The following RBFOX1 variants were observed in gnomAD, a reference collection of about 807,000 sequenced individuals.
RBFOX1 encodes the protein RNA binding fox-1 homolog 1.
A neutral mutation model predicts 57.7 loss-of-function variants in RBFOX1; 8 were observed. The ratio of observed to expected loss-of-function variants is 0.14; its 90% CI spans 0.08 to 0.25. The LOEUF (loss-of-function observed/expected upper bound fraction) is 0.25. Among genes scored for constraint, RBFOX1 ranks in the 10% least tolerant of loss-of-function variants. The pLI, the probability that RBFOX1 is intolerant of heterozygous loss-of-function variation, is 1.00. For missense variants in RBFOX1, 611 were observed against 548.5 expected, an observed-to-expected ratio of 1.11 and a Z score of -1.14; for synonymous variants, 326 against 222.4, an observed-to-expected ratio of 1.47 and a Z score of -4.15.
intron 3 of RBFOX1, among the ~76,000 whole-genome samples, chr16:5,866,928 G>C (rs2057356252): frequency 6.6e-6 from 1 of 152,042 alleles, no homozygotes; most frequent in African/African-American, 2.4e-5. Context: ...GAAACTTTAA[G>C]GGAAGGAAAA....
chr16:7,378,181 G>T (rs2097719379), intron 4 of RBFOX1, among the ~76,000 whole-genome samples: 1 of 152,186 alleles, frequency 6.6e-6, no homozygotes, highest in East Asian at 1.9e-4. Context: ...TATCGTTGCT[G>T]AGCCGGAAGT....
chr16:6,119,724 G>T (rs536324837), intron 1 of RBFOX1, among the ~76,000 whole-genome samples: 10 of 152,248 alleles, frequency 6.6e-5, no homozygotes, highest in African/African-American at 2.2e-4. Context: ...GCTGGTTTCA[G>T]ACTCGTGACC....
chr16:6,697,195 T>C (rs2061179864), intron 3 of RBFOX1, among the ~76,000 whole-genome samples: 2 of 152,236 alleles, frequency 1.3e-5, no homozygotes, highest in Admixed American at 1.3e-4. Flanking sequence ...TATATTATAA[T>C]ATGTATATAT....
chr16:6,637,687 G>C (rs1385991611), intron 2 of RBFOX1, among the ~76,000 whole-genome samples: 2 of 150,320 alleles, frequency 1.3e-5, no homozygotes, highest in African/African-American at 4.9e-5. Context: ...ATGATGAAGT[G>C]GCAGCAGAAA....
chr16:6,570,656 G>T (rs2097332650), intron 2 of RBFOX1, among the ~76,000 whole-genome samples: 1 of 152,018 alleles, frequency 6.6e-6, no homozygotes. Context: ...ATTTAGGCTT[G>T]GCTAAAAATT....
intron 2 of RBFOX1, among the ~76,000 whole-genome samples, chr16:6,640,883 A>G (rs1010652837): frequency 2.6e-5 from 4 of 152,154 alleles, no homozygotes; most frequent in African/African-American, 9.7e-5. Flanking sequence ...AACAAGCAAC[A>G]TGAACATCAG....
intron 1 of RBFOX1, among the ~76,000 whole-genome samples, chr16:6,100,697 G>C (rs2096295722): frequency 6.6e-6 from 1 of 152,094 alleles, no homozygotes; most frequent in Non-Finnish European, 1.5e-5. Context: ...TTAATATAGA[G>C]ACTATTATTG....
At position 5,945,560 on chromosome 16, in the gene RBFOX1, G is replaced by T. The variant is rs2059384706; in HGVS notation, c.351+78225G>T. On this transcript the variant is annotated intron_variant, in intron 4 of 19. Coordinates refer to the RBFOX1 transcript ENST00000641259. ...TGCCCTCTGAAACGGATATTGTTAT[G>T]ATGTCATCTTTACAGAAGAGAAACT... is the stretch of plus-strand genomic sequence containing the variant. Among the ~76,000 whole-genome samples, 3 of 152,204 alleles carry T rather than the reference G, an allele frequency of 2.0e-5. No homozygotes were observed. In the South Asian group the frequency reaches 6.2e-4, roughly 31 times the overall value.
intron 3 of RBFOX1, among the ~76,000 whole-genome samples, chr16:6,926,132 C>T (rs1331329223): frequency 6.6e-6 from 1 of 151,830 alleles, no homozygotes; most frequent in African/African-American, 2.4e-5. Flanking sequence ...ATGATGAAAC[C>T]CTGTCTCTAC....
At chr16:6,846,467 C>G (rs1176767850) in intron 3 of RBFOX1, among the ~76,000 whole-genome samples, 2 of 152,112 alleles carry the variant, frequency 1.3e-5, no homozygotes, top group African/African-American at 4.8e-5. Flanking sequence ...ACACCTGGGT[C>G]ATAATGAGGG....
intron 4 of RBFOX1, among the ~76,000 whole-genome samples, chr16:5,921,110 C>G (rs563681397): frequency 6.1e-4 from 93 of 152,290 alleles, no homozygotes; most frequent in Non-Finnish European, 6.3e-4. Context: ...TATTACTGAT[C>G]TCCTGTTAGG....
At chr16:7,639,697 T>C (rs1208944133) in intron 11 of RBFOX1, among the ~76,000 whole-genome samples, 1 of 152,154 alleles carries the variant, frequency 6.6e-6, no homozygotes, top group Non-Finnish European at 1.5e-5. Context: ...CTGTTAGCAC[T>C]GCCATTGGGG....
intron 3 of RBFOX1, among the ~76,000 whole-genome samples, chr16:5,840,917 C>T (rs2056605244): frequency 6.6e-6 from 1 of 152,150 alleles, no homozygotes; most frequent in African/African-American, 2.4e-5. Context: ...CTCTCTTCAA[C>T]CAAAATGGCC....
chr16:6,802,697 T>C (rs117020872), intron 3 of RBFOX1, among the ~76,000 whole-genome samples: 1 of 152,154 alleles, frequency 6.6e-6, no homozygotes, highest in African/African-American at 2.4e-5. Context: ...AAAAAGTGCA[T>C]GTTATTTGAT....
At chr16:6,574,669 C>G (rs2097399769) in intron 2 of RBFOX1, among the ~76,000 whole-genome samples, 1 of 136,468 alleles carries the variant, frequency 7.3e-6, no homozygotes, top group Non-Finnish European at 1.6e-5. Context: ...ACCTCGTGAT[C>G]CGCCCGCCTC....
At chr16:6,850,715 T>C (rs1252836364) in intron 3 of RBFOX1, among the ~76,000 whole-genome samples, 1 of 152,190 alleles carries the variant, frequency 6.6e-6, no homozygotes, top group East Asian at 1.9e-4. Flanking sequence ...ATTTGTTGGC[T>C]AAAATAAAGA....
chr16:5,864,547 GT>G (rs57100340), intron 3 of RBFOX1, among the ~76,000 whole-genome samples: 2 of 145,224 alleles, frequency 1.4e-5, no homozygotes, highest in African/African-American at 2.5e-5. Flanking sequence ...ACATACTTGA[GT>G]TTTTTTTTTT....
chr16:6,568,685 A>G (rs2097301703), intron 2 of RBFOX1, among the ~76,000 whole-genome samples: 1 of 152,192 alleles, frequency 6.6e-6, no homozygotes, highest in South Asian at 2.1e-4. Context: ...GTAACTCTGT[A>G]TAACAGTAAA....
chr16:5,597,804 C>G (rs2047236292), intron 2 of RBFOX1, among the ~76,000 whole-genome samples: 2 of 152,146 alleles, frequency 1.3e-5, no homozygotes. Flanking sequence ...TTTGGGAATA[C>G]TACGACGGTG....
Sources: allele counts gnomAD v4.1 joint callset (sites outside exome capture counted in the v4.1 genomes callset), GRCh38; gene constraint gnomAD v4.1.1; transcripts MANE v1.5; gene names NCBI Gene and HGNC (gene_info 2026-07-23, HGNC 2026-07-21).